Variants in GGA2 observed in about 807,000 individuals in gnomAD.
GGA2 encodes ADP-ribosylation factor-binding protein GGA2.
A neutral mutation model predicts 79.5 loss-of-function variants in GGA2; 48 were observed. That is an observed-to-expected ratio of 0.60 (90% confidence interval 0.48 to 0.77). GGA2 has a LOEUF of 0.77. GGA2 is among the 30% of genes least tolerant of loss of function. GGA2 has a pLI of 0.00. For missense variants in GGA2, 770 were observed against 774.0 expected, an observed-to-expected ratio of 0.99 and a Z score of 0.06; for synonymous variants, 317 against 302.0, an observed-to-expected ratio of 1.05 and a Z score of -0.51.
intron 1 of GGA2, among the ~76,000 whole-genome samples, chr16:23,508,914 T>A (rs939113590): frequency 2.0e-5 from 3 of 152,142 alleles, no homozygotes; most frequent in African/African-American, 7.2e-5. Context: ...ACCCGCGATC[T>A]AGCCTAGATT....
chr16:23,495,672 T>C, intron 2 of GGA2, 22 bp downstream of exon 2: 1 of 1,397,946 alleles, frequency 7.2e-7, no homozygotes. Context: ...GAGTCAACTA[T>C]GTGTGTGAGA....
At chr16:23,504,840 A>C (rs115804250) in intron 1 of GGA2, among the ~76,000 whole-genome samples, 56 of 152,334 alleles carry the variant, frequency 3.7e-4, no homozygotes, top group African/African-American at 1.3e-3. Flanking sequence ...TTCCTCACTA[A>C]AAGCAGTGTT....
chr16:23,505,460 G>A (rs560113136), intron 1 of GGA2, among the ~76,000 whole-genome samples: 71 of 152,206 alleles, frequency 4.7e-4, no homozygotes, highest in Admixed American at 1.3e-3. Context: ...AGAACAAGGC[G>A]GCTACATCTG....
intron 9 of GGA2, among the ~76,000 whole-genome samples, chr16:23,480,987 T>C (rs1056365992): frequency 6.6e-6 from 1 of 152,208 alleles, no homozygotes; most frequent in African/African-American, 2.4e-5. Context: ...GAAGCAAATC[T>C]GTTCACCTTC....
At position 23,475,146 on chromosome 16, in the gene GGA2, A is replaced by T. The variant is rs1057423205; in HGVS notation, c.1293-85T>A. ...GGGTTAGGCTTATTAAAGAACAAGG[A>T]AAAAATAACACACACACACACACAG... On this transcript the variant is annotated intron_variant, in intron 13 of 16. Transcript: ENST00000309859. The T allele has an allele frequency of 2.9e-5, 22 of 762,400 alleles. No homozygotes were observed. In the African/African-American group the frequency reaches 3.2e-4, roughly 11 times the overall value. 47.2% of individuals were successfully genotyped at this position (762,400 alleles called of 1,614,324 possible).
chr16:23,508,899 C>T (rs1479057933), intron 1 of GGA2, among the ~76,000 whole-genome samples: 2 of 152,138 alleles, frequency 1.3e-5, no homozygotes, highest in South Asian at 2.1e-4. Context: ...TTCCTCGAGC[C>T]TGAAACCCGC....
intron 1 of GGA2, 39 bp from the exon 2 acceptor site, chr16:23,495,817 G>C: frequency 7.2e-7 from 1 of 1,397,764 alleles, no homozygotes; most frequent in Admixed American, 1.8e-5. Flanking sequence ...TACATAATAG[G>C]AAGAAATTTA....
At chr16:23,506,847 G>T (rs985427198) in intron 1 of GGA2, among the ~76,000 whole-genome samples, 2 of 151,758 alleles carry the variant, frequency 1.3e-5, no homozygotes, top group Non-Finnish European at 2.9e-5. Context: ...TCCTTCGCCA[G>T]ACAGTCAGAA....
chr16:23,488,788 A>ACCAGGGGTTTCCAG, intron 5 of GGA2, 79 bp from the exon 6 acceptor site: 1 of 805,028 alleles, frequency 1.2e-6, no homozygotes, highest in Non-Finnish European at 2.1e-6. Context: ...AAAGTCTGGA[A>ACCAGGGGTTTCCAG]ACCCCTGGTT....
At chr16:23,500,141 T>G (rs1964904619) in intron 1 of GGA2, among the ~76,000 whole-genome samples, 1 of 152,220 alleles carries the variant, frequency 6.6e-6, no homozygotes. Context: ...CAAGGGACCC[T>G]TGTAGACAAG....
intron 1 of GGA2, among the ~76,000 whole-genome samples, chr16:23,496,818 C>T (rs1486231843): frequency 8.5e-5 from 13 of 152,070 alleles, no homozygotes; most frequent in African/African-American, 2.4e-4. Flanking sequence ...ATTAGCTGGG[C>T]GTGGTGGAGT....
chr16:23,495,980 A>T (rs1054246082), intron 1 of GGA2, among the ~76,000 whole-genome samples: 13 of 152,232 alleles, frequency 8.5e-5, no homozygotes, highest in Non-Finnish European at 1.6e-4. Flanking sequence ...CCCTTACTGA[A>T]TATTTGCTGA....
intron 5 of GGA2, among the ~76,000 whole-genome samples, chr16:23,489,967 A>G (rs1349302516): frequency 6.6e-6 from 1 of 152,152 alleles, no homozygotes; most frequent in Non-Finnish European, 1.5e-5. Context: ...GCAGGATCAC[A>G]AACAGATCCT....
chr16:23,495,705 A>T lies in GGA2; in HGVS notation c.165T>A (p.Thr55=). Reference sequence around the variant, plus strand: ...AGAAGTTACCTTACCCATTGGGGTCAGTGTTCACCTGCTCACAGAAATTCT... The same window carrying T: ...AGAAGTTACCTTACCCATTGGGGTCTGTGTTCACCTGCTCACAGAAATTCT... ...AIQNFCEQVN[T]DPNGPTHAPW... Residue 55 remains threonine (T), a synonymous_variant, in exon 2 of 17, where the codon ACT becomes ACA. Transcript: ENST00000309859. The T allele has an allele frequency of 6.3e-7, 1 of 1,597,830 alleles. No homozygotes were observed. Among genetic ancestry groups the T allele is most frequent in the Non-Finnish European group, 8.6e-7 (1 of 1,165,336 alleles).
chr16:23,490,089 G>C (rs1162150028), intron 5 of GGA2, among the ~76,000 whole-genome samples: 1 of 152,192 alleles, frequency 6.6e-6, no homozygotes, highest in Non-Finnish European at 1.5e-5. Context: ...ACTGCTACGA[G>C]TGGCAAGAAC....
chr16:23,486,217 G>C, intron 7 of GGA2, 65 bp from the exon 8 acceptor site: 1 of 1,467,648 alleles, frequency 6.8e-7, no homozygotes, highest in Non-Finnish European at 9.5e-7. Context: ...CTGAACAAGG[G>C]ATGGGAAAGA....
chr16:23,510,525 G>T (rs1459473757), upstream of GGA2: 2 of 411,952 alleles, frequency 4.9e-6, no homozygotes, highest in Non-Finnish European at 8.2e-6. Flanking sequence ...GTGACGGGGC[G>T]GGGCCGCTGG....
intron 11 of GGA2, 112 bp from the exon 12 acceptor site, chr16:23,479,023 G>A (rs778895170): frequency 2.5e-6 from 2 of 786,008 alleles, no homozygotes; most frequent in South Asian, 1.4e-5. Context: ...AGACAAATAA[G>A]CAACTTACTG....
chr16:23,478,048 A>C (rs1964596648), intron 13 of GGA2, among the ~76,000 whole-genome samples: 1 of 151,046 alleles, frequency 6.6e-6, no homozygotes, highest in Non-Finnish European at 1.5e-5. Context: ...AAAAAAAAAA[A>C]ATTAGCTGGG....
Sources: allele counts gnomAD v4.1 joint callset (sites outside exome capture counted in the v4.1 genomes callset), GRCh38; gene constraint gnomAD v4.1.1; transcripts MANE v1.5; gene names NCBI Gene and HGNC (gene_info 2026-07-23, HGNC 2026-07-21).